CEP57L1: variants seen among roughly 807,000 people sequenced by gnomAD.
The protein encoded by CEP57L1 is centrosomal protein CEP57L1.
A neutral mutation model predicts 61.0 loss-of-function variants in CEP57L1; 37 were observed. That is an observed-to-expected ratio of 0.61 (90% CI 0.47 to 0.80). The LOEUF (loss-of-function observed/expected upper bound fraction) is 0.80. Among genes scored for constraint, CEP57L1 ranks in the 30% least tolerant of loss-of-function variants. The pLI is 0.00. For synonymous variants in CEP57L1, 137 were observed against 162.3 expected (o/e 0.84, Z 1.19); for missense variants, 422 against 524.7 (o/e 0.80, Z 1.91).
At chr6:109,122,403 G>A (rs1397256068) in intron 1 of CEP57L1, among the ~76,000 whole-genome samples, 1 of 151,972 alleles carries the variant, frequency 6.6e-6, no homozygotes, top group African/African-American at 2.4e-5. Flanking sequence ...TGTTGTTCTG[G>A]CTTTACATGG....
chr6:109,139,782 C>G (rs770701040), intron 1 of CEP57L1, among the ~76,000 whole-genome samples: 9 of 151,946 alleles, frequency 5.9e-5, no homozygotes, highest in Non-Finnish European at 1.0e-4. Context: ...GCCACCATGC[C>G]CAGCCTGCCT....
In CEP57L1 at chr6:109,146,742, A is replaced by C. The variant is rs538298908; in HGVS notation, c.161-16A>C. On this transcript the variant is annotated splice_polypyrimidine_tract_variant and intron_variant, in intron 2 of 10. Transcript: ENST00000517392. Reference sequence around the variant, plus strand: ...AAACTTTCACTTAAAATATCAACAAAATTTTTTTTCAACAGCTCTTATTTT... The same window carrying C: ...AAACTTTCACTTAAAATATCAACAACATTTTTTTTCAACAGCTCTTATTTT... The C allele has an allele frequency of 2.0e-6, 3 of 1,519,570 alleles. No individual in the cohort carries two copies. Among genetic ancestry groups the C allele is most frequent in the South Asian group, 1.3e-5 (1 of 78,620 alleles). 94.1% of individuals were successfully genotyped at this position (1,519,570 alleles called of 1,614,324 possible). A position where few individuals can be genotyped will look rare whatever the true frequency, so the allele number is the denominator to read the frequency against.
intron 1 of CEP57L1, among the ~76,000 whole-genome samples, chr6:109,102,689 T>C (rs574919253): frequency 5.9e-4 from 90 of 152,354 alleles, no homozygotes; most frequent in Middle Eastern, 3.4e-3. Context: ...GTGCCTAGAT[T>C]TATGTTTTTA....
chr6:109,159,046 C>T lies in CEP57L1; in HGVS notation c.766C>T (p.Arg256Ter), dbSNP rs781457085. The change falls in exon 8 of 11, where the codon CGA becomes TGA. Residue 256 changes from arginine to a stop codon, truncating the protein, a stop_gained. Coordinates refer to ENST00000517392, the MANE Select transcript of CEP57L1 (RefSeq NM_001271852.3). LOFTEE classifies it high-confidence loss of function. ...CTAGAAAACTAAATGTATAAAGAGACGACCACCTTGGCAAATTTGTTCAAA... is the reference window on the plus strand; with the variant it reads ...CTAGAAAACTAAATGTATAAAGAGATGACCACCTTGGCAAATTTGTTCAAA... Reference protein sequence around the residue: ...SSKKTKCIKRRPPWQICSKFG... With the variant: ...SSKKTKCIKR 115 of 1,613,224 alleles carry T rather than the reference C, an allele frequency of 7.1e-5. No individual in the cohort carries two copies. The highest frequency in any genetic ancestry group is 1.7e-4 in the Middle Eastern group (1 of 5,732).
At chr6:109,136,271 T>C (rs530482615) in intron 1 of CEP57L1, among the ~76,000 whole-genome samples, 4 of 152,272 alleles carry the variant, frequency 2.6e-5, no homozygotes, top group African/African-American at 7.2e-5. Flanking sequence ...TGTAGGGACA[T>C]GGATGAAGCT....
At chr6:109,149,002 G>A (rs1562124858) in intron 3 of CEP57L1, among the ~76,000 whole-genome samples, 3 of 152,280 alleles carry the variant, frequency 2.0e-5, no homozygotes, top group South Asian at 2.1e-4. Context: ...TGAGTTCATT[G>A]TAGATTCTGG....
In CEP57L1 at chr6:109,172,778, G is replaced by A. The variant is rs79946548; in HGVS notation, c.*9808G>A. ...TTATGTGAGTGTGATAAAAGGTTAC[G>A]CTTAGTATACAAAGACCTTCTTATA... On this transcript the variant is annotated 3_prime_UTR_variant, in exon 11 of 11. Transcript: ENST00000517392. 1.3e-4 allele frequency among the ~76,000 whole-genome samples: 20 copies of A among 152,206 alleles called. No individual in the cohort carries two copies. The East Asian group carries it at 3.1e-3, about 23-fold the overall frequency.
chr6:109,104,040 G>GT (rs776076258), intron 1 of CEP57L1, among the ~76,000 whole-genome samples: 1,408 of 131,038 alleles, frequency 0.011, 22 homozygotes, highest in African/African-American at 0.033. Context: ...TTTAGTTTTT[G>GT]TTTTTTTTTT....
Position 109,118,472 on chromosome 6 carries a change from GA to G in CEP57L1, c.-4+22905del, listed in dbSNP as rs1185648269. 5.3e-5 allele frequency among the ~76,000 whole-genome samples: 8 copies of G among 152,052 alleles called. No individual in the cohort carries two copies. In the East Asian group the frequency reaches 1.5e-3, roughly 29 times the overall value. Reference sequence around the variant, plus strand: ...ACAGCTGTGCCAACAAGTCTGGTTTGAAAAAAAAGTAAGGGGCTTAATGGTG... The same window carrying G: ...ACAGCTGTGCCAACAAGTCTGGTTTGAAAAAAAGTAAGGGGCTTAATGGTG... On this transcript the variant is annotated intron_variant, in intron 1 of 10. Transcript: ENST00000517392.
At chr6:109,137,345 A>G (rs1770863152) in intron 1 of CEP57L1, among the ~76,000 whole-genome samples, 2 of 152,072 alleles carry the variant, frequency 1.3e-5, no homozygotes, top group African/African-American at 4.8e-5. Context: ...TCTGTCGCCC[A>G]GGCTGGAGTG....
At chr6:109,138,741 G>C (rs999483771) in intron 1 of CEP57L1, among the ~76,000 whole-genome samples, 1 of 152,072 alleles carries the variant, frequency 6.6e-6, no homozygotes, top group African/African-American at 2.4e-5. Context: ...AAGTATGACC[G>C]CCTTTTATCA....
chr6:109,113,371 AT>A (rs1469474431), intron 1 of CEP57L1, among the ~76,000 whole-genome samples: 1 of 152,036 alleles, frequency 6.6e-6, no homozygotes, highest in Non-Finnish European at 1.5e-5. Flanking sequence ...ACCTCATTTT[AT>A]TGAGCCCCTG....
chr6:109,167,827 G>A lies in CEP57L1; in HGVS notation c.*4857G>A, dbSNP rs569901136. ...AGAGGAAGAGGTTTGAGAGCCAAGA[G>A]TTCTTTATTTGGATATTGGTATGTT... On this transcript the variant is annotated 3_prime_UTR_variant, in exon 11 of 11. Coordinates refer to ENST00000517392, the MANE Select transcript of CEP57L1 (RefSeq NM_001271852.3). 2.2e-4 allele frequency among the ~76,000 whole-genome samples: 33 copies of A among 152,244 alleles called. No homozygotes were observed. Among genetic ancestry groups the A allele is most frequent in the Non-Finnish European group, 4.3e-4 (29 of 68,044 alleles).
At chr6:109,158,631 A>G in intron 7 of CEP57L1, 1 of 461,332 alleles carries the variant, frequency 2.2e-6, no homozygotes, top group Non-Finnish European at 4.3e-6. Context: ...TTGTTGGGTC[A>G]TGTGATAAGT....
rs114495254 is a variant in CEP57L1, at chr6:109,146,477, T to A, written c.161-281T>A. 7.9e-3 allele frequency among the ~76,000 whole-genome samples: 1,207 copies of A among 152,120 alleles called. 20 individuals are homozygous for A. The highest frequency in any genetic ancestry group is 0.028 in the African/African-American group (1,157 of 41,566). ...CATTGTCTTTAAGTCCTTTCATTTG[T>A]AAATATTTTATTAAATTAAAATTGT... On this transcript the variant is annotated intron_variant, in intron 2 of 10. Coordinates refer to ENST00000517392, the MANE Select transcript of CEP57L1 (RefSeq NM_001271852.3).
rs1252849615 is a variant in CEP57L1, at chr6:109,170,273, T to TTC, written c.*7304_*7305insCT. Among the ~76,000 whole-genome samples the TTC allele has an allele frequency of 5.9e-5, 9 of 152,252 alleles. No individual in the cohort carries two copies. In the East Asian group the frequency reaches 1.7e-3, roughly 29 times the overall value. On this transcript the variant is annotated 3_prime_UTR_variant, in exon 11 of 11. Transcript: ENST00000517392. ...AATCTTAGTCTTTAAGAACAGAGGA[T>TTC]TGTAAAGTGAGCCAGACCTTCCAAT...
chr6:109,168,346 A>C lies in CEP57L1; in HGVS notation c.*5376A>C, dbSNP rs769064969. 6.6e-6 allele frequency among the ~76,000 whole-genome samples: 1 copy of C among 152,226 alleles called. No individual in the cohort carries two copies. The highest frequency in any genetic ancestry group is 1.5e-5 in the Non-Finnish European group (1 of 68,032). On this transcript the variant is annotated 3_prime_UTR_variant, in exon 11 of 11. Coordinates refer to ENST00000517392, the MANE Select transcript of CEP57L1 (RefSeq NM_001271852.3). ...GTAAATGGAGAAGTGGGGGAAAATCAAGCAATAATCACTTAGACTAAAACA... is the reference window on the plus strand; with the variant it reads ...GTAAATGGAGAAGTGGGGGAAAATCCAGCAATAATCACTTAGACTAAAACA...
chr6:109,143,794 A>G (rs1216166169), intron 1 of CEP57L1, among the ~76,000 whole-genome samples: 3 of 152,112 alleles, frequency 2.0e-5, no homozygotes, highest in Admixed American at 6.5e-5. Flanking sequence ...TTCATTCTTT[A>G]TGTCATTGGA....
At chr6:109,127,043 G>A (rs1159919101) in intron 1 of CEP57L1, among the ~76,000 whole-genome samples, 1 of 152,132 alleles carries the variant, frequency 6.6e-6, no homozygotes, top group Non-Finnish European at 1.5e-5. Context: ...GCGCACGCCT[G>A]TAGTCTCAGT....
Sources: allele counts gnomAD v4.1 joint callset (sites outside exome capture counted in the v4.1 genomes callset), GRCh38; gene constraint gnomAD v4.1.1; transcripts MANE v1.5; gene names NCBI Gene and HGNC (gene_info 2026-07-23, HGNC 2026-07-21).